NALF1: variants seen among roughly 807,000 people sequenced by gnomAD.
The protein encoded by NALF1 is family with sequence similarity 155 member A.
A neutral mutation model predicts 48.4 loss-of-function variants in NALF1; 3 were observed. The ratio of observed to expected loss-of-function variants is 0.06; its 90% CI spans 0.03 to 0.16. The LOEUF is 0.16. Ranked by LOEUF, NALF1 falls within the 10% of genes least tolerant of loss-of-function variation. The pLI is 1.00. For missense variants in NALF1, 526 were observed against 571.5 expected (o/e 0.92, Z 0.81); for synonymous variants, 262 against 245.7 (o/e 1.07, Z -0.62).
At chr13:107,534,230 G>GATC (rs1566381633) in intron 1 of NALF1, among the ~76,000 whole-genome samples, 1 of 151,964 alleles carries the variant, frequency 6.6e-6, no homozygotes, top group African/African-American at 2.4e-5. Context: ...ACTCTGGAAA[G>GATC]TATGATCTTT....
At chr13:107,842,452 A>G (rs1328258138) in intron 1 of NALF1, among the ~76,000 whole-genome samples, 1 of 152,042 alleles carries the variant, frequency 6.6e-6, no homozygotes, top group Non-Finnish European at 1.5e-5. Context: ...TTAAAAGTAA[A>G]TTACCTAAAA....
At chr13:107,865,586 A>C (rs1040201128) in intron 1 of NALF1, 96 bp downstream of exon 1, 1 of 1,493,076 alleles carries the variant, frequency 6.7e-7, no homozygotes, top group Non-Finnish European at 9.0e-7. Context: ...TAACAAAACC[A>C]TAGCCAAAAA....
intron 1 of NALF1, among the ~76,000 whole-genome samples, chr13:107,240,086 T>C (rs535468499): frequency 6.3e-4 from 96 of 152,320 alleles, no homozygotes; most frequent in South Asian, 2.1e-3. Context: ...ATGTAATAAT[T>C]GTGTTATGGG....
chr13:107,208,298 ATC>A (rs1344282476), intron 2 of NALF1, among the ~76,000 whole-genome samples: 6 of 152,078 alleles, frequency 3.9e-5, no homozygotes, highest in East Asian at 1.9e-4. Context: ...GATCTGATAA[ATC>A]TCTCTTTTCC....
intron 1 of NALF1, among the ~76,000 whole-genome samples, chr13:107,568,560 T>C (rs1025782069): frequency 2.0e-5 from 3 of 152,224 alleles, no homozygotes; most frequent in African/African-American, 7.2e-5. Flanking sequence ...ATTTTACGTA[T>C]CCACTAGCAC....
intron 1 of NALF1, among the ~76,000 whole-genome samples, chr13:107,723,687 T>C (rs1876057539): frequency 6.6e-6 from 1 of 152,196 alleles, no homozygotes; most frequent in South Asian, 2.1e-4. Context: ...TAAACTTTCT[T>C]AACGACCTCT....
At chr13:107,840,315 A>C (rs1487557032) in intron 1 of NALF1, among the ~76,000 whole-genome samples, 1 of 152,182 alleles carries the variant, frequency 6.6e-6, no homozygotes, top group Admixed American at 6.5e-5. Context: ...AAATCCCCAA[A>C]AATAGTGGCT....
At chr13:107,644,681 T>G (rs1880265014) in intron 1 of NALF1, among the ~76,000 whole-genome samples, 1 of 86,424 alleles carries the variant, frequency 1.2e-5, no homozygotes, top group African/African-American at 3.8e-5. Context: ...TCACTTAAGT[T>G]GCAAATCATA....
At chr13:107,653,453 T>C (rs1880496840) in intron 1 of NALF1, among the ~76,000 whole-genome samples, 1 of 149,542 alleles carries the variant, frequency 6.7e-6, no homozygotes, top group African/African-American at 2.5e-5. Flanking sequence ...ATAAATATAA[T>C]CAAGCCTCTG....
intron 1 of NALF1, among the ~76,000 whole-genome samples, chr13:107,223,216 C>A (rs1482928738): frequency 6.6e-6 from 1 of 152,072 alleles, no homozygotes; most frequent in East Asian, 1.9e-4. Flanking sequence ...TTATTGGCAT[C>A]TTGTGAAAGT....
chr13:107,184,657 A>G (rs1398761391), intron 2 of NALF1, among the ~76,000 whole-genome samples: 1 of 151,736 alleles, frequency 6.6e-6, no homozygotes, highest in Non-Finnish European at 1.5e-5. Flanking sequence ...ATTCCGTTTC[A>G]CTCTTCTTCC....
intron 1 of NALF1, among the ~76,000 whole-genome samples, chr13:107,269,527 C>G (rs1405441877): frequency 6.6e-6 from 1 of 152,142 alleles, no homozygotes; most frequent in Non-Finnish European, 1.5e-5. Context: ...AAGGTTTGAA[C>G]TTATTTGTAT....
chr13:107,397,879 A>G (rs1883738669), intron 1 of NALF1, among the ~76,000 whole-genome samples: 1 of 152,152 alleles, frequency 6.6e-6, no homozygotes, highest in Admixed American at 6.5e-5. Context: ...TAATCCAGGG[A>G]TTGGCATATA....
chr13:107,254,545 C>T (rs1369477253), intron 1 of NALF1, among the ~76,000 whole-genome samples: 1 of 152,094 alleles, frequency 6.6e-6, no homozygotes, highest in East Asian at 1.9e-4. Flanking sequence ...TTCTATAGCC[C>T]CTACCACAGC....
chr13:107,264,492 A>T (rs1449637195), intron 1 of NALF1, among the ~76,000 whole-genome samples: 1 of 152,202 alleles, frequency 6.6e-6, no homozygotes, highest in African/African-American at 2.4e-5. Context: ...TTATTTGTTA[A>T]TTACACAAAG....
At chr13:107,567,073 A>T (rs981266291) in intron 1 of NALF1, among the ~76,000 whole-genome samples, 1 of 152,224 alleles carries the variant, frequency 6.6e-6, no homozygotes, top group Admixed American at 6.5e-5. Context: ...AAATGAAAAA[A>T]TGCTACACTC....
intron 1 of NALF1, among the ~76,000 whole-genome samples, chr13:107,684,342 T>C (rs1365660609): frequency 6.6e-6 from 1 of 152,092 alleles, no homozygotes. Context: ...AGGAAACGAG[T>C]GTCATACTTG....
At chr13:107,371,310 G>A (rs1024312750) in intron 1 of NALF1, among the ~76,000 whole-genome samples, 17 of 152,208 alleles carry the variant, frequency 1.1e-4, no homozygotes, top group African/African-American at 4.1e-4. Flanking sequence ...AGCCAGGCAT[G>A]ATGGTGCATG....
chr13:107,292,557 A>T (rs1243059911), intron 1 of NALF1, among the ~76,000 whole-genome samples: 2 of 152,114 alleles, frequency 1.3e-5, no homozygotes, highest in African/African-American at 4.8e-5. Context: ...CTAGGCCTAC[A>T]CAGGGTCAGG....
Sources: allele counts gnomAD v4.1 joint callset (sites outside exome capture counted in the v4.1 genomes callset), GRCh38; gene constraint gnomAD v4.1.1; transcripts MANE v1.5; gene names NCBI Gene and HGNC (gene_info 2026-07-23, HGNC 2026-07-21).